Variants in UCHL1 observed in about 807,000 individuals in gnomAD.
UCHL1 encodes ubiquitin carboxyl-terminal hydrolase isozyme L1.
A neutral mutation model predicts 33.3 loss-of-function variants in UCHL1; 5 were observed. The ratio of observed to expected loss-of-function variants is 0.15; its 90% confidence interval spans 0.08 to 0.32. UCHL1 has a LOEUF of 0.32. Ranked by LOEUF, UCHL1 falls within the 10% of genes least tolerant of loss-of-function variation. The probability of loss-of-function intolerance (pLI) is 1.00; values close to 1 mark genes in which losing one functional copy is unlikely to be tolerated. For synonymous variants in UCHL1, 132 were observed against 108.8 expected, an observed-to-expected ratio of 1.21 and a Z score of -1.33; for missense variants, 236 against 280.0, an observed-to-expected ratio of 0.84 and a Z score of 1.12.
intron 8 of UCHL1, chr4:41,264,461 C>G (rs1361140748): frequency 2.1e-6 from 1 of 465,224 alleles, no homozygotes; most frequent in African/African-American, 2.0e-5. Flanking sequence ...GACCATTGTC[C>G]TCCCATCAGA....
At position 41,256,992 on chromosome 4, in the gene UCHL1, A is replaced by T. The variant is rs201864413; in HGVS notation, c.16A>T (p.Met6Leu). Residue 6 changes from methionine (M) to leucine (L), a missense_variant, in exon 1 of 9, where the codon ATG becomes TTG. Met to Leu is a conservative substitution (Grantham distance 15, BLOSUM62 2). Coordinates refer to ENST00000284440, the MANE Select transcript of UCHL1 (RefSeq NM_004181.5). MQLKP[M>L]EINPEMLNKV... is the part of the protein sequence containing the mutation. ...CTCCGCGAAGATGCAGCTCAAGCCG[A>T]TGGAGATCAACCCCGAGGTGAGCGC... 33 of 1,614,182 alleles carry T rather than the reference A, an allele frequency of 2.0e-5. No homozygotes were observed. The highest frequency in any genetic ancestry group is 3.3e-4 in the Middle Eastern group (2 of 6,048).
chr4:41,257,951 C>T (rs536372790), intron 3 of UCHL1, among the ~76,000 whole-genome samples: 2 of 152,352 alleles, frequency 1.3e-5, no homozygotes, highest in African/African-American at 4.8e-5. Context: ...CCACAATTGC[C>T]TTAAATTTGG....
In UCHL1 at chr4:41,256,965, C is replaced by A. The variant is rs766696958; in HGVS notation, c.-12C>A. On this transcript the variant is annotated 5_prime_UTR_variant, in exon 1 of 9. Coordinates refer to ENST00000284440, the MANE Select transcript of UCHL1 (RefSeq NM_004181.5). ...TCTTCCCTAGGCTATTTCTGCCGGG[C>A]GCTCCGCGAAGATGCAGCTCAAGCC... is the stretch of plus-strand genomic sequence containing the variant. 1.9e-6 allele frequency: 3 copies of A among 1,614,034 alleles called. No homozygotes were observed. The highest frequency in any genetic ancestry group is 3.3e-5 in the Admixed American group (2 of 60,016).
intron 8 of UCHL1, chr4:41,264,610 G>A: frequency 9.6e-6 from 2 of 207,962 alleles, no homozygotes; most frequent in Non-Finnish European, 9.8e-6. Context: ...CTTCCCACAT[G>A]GTCTACTGTT....
chr4:41,263,256 T>C lies in UCHL1; in HGVS notation c.491T>C (p.Leu164Pro). The part of the protein sequence containing the change: ...VDDKVNFHFI[L>P]FNNVDGHLYE... ...GACAAGGTGAATTTCCATTTTATTC[T>C]GTTTAACAACGTGGATGGCCACCTC... The change falls in exon 7 of 9, where the codon CTG (leucine) becomes CCG (proline). Residue 164 changes from leucine (L) to proline (P), a missense_variant. Physicochemically the swap from Leu to Pro is moderately conservative, Grantham distance 98. Coordinates refer to ENST00000284440, the MANE Select transcript of UCHL1 (RefSeq NM_004181.5). The C allele has an allele frequency of 6.2e-7, 1 of 1,614,194 alleles. No individual in the cohort carries two copies. The highest frequency in any genetic ancestry group is 1.1e-5 in the South Asian group (1 of 91,084).
At chr4:41,260,568 T>G (rs1351208571) in intron 3 of UCHL1, 79 bp from the exon 4 acceptor site, 3 of 1,537,358 alleles carry the variant, frequency 2.0e-6, no homozygotes, top group Non-Finnish European at 2.7e-6. Context: ...TGTTTCCATT[T>G]AGTTGGTAGA....
intron 3 of UCHL1, among the ~76,000 whole-genome samples, chr4:41,259,499 C>A (rs1781037244): frequency 6.6e-6 from 1 of 152,194 alleles, no homozygotes; most frequent in South Asian, 2.1e-4. Context: ...CGAAAAAGTT[C>A]TGCTAGTTGG....
At chr4:41,260,517 C>T in intron 3 of UCHL1, 130 bp from the exon 4 acceptor site, 1 of 1,168,054 alleles carries the variant, frequency 8.6e-7, no homozygotes, top group Non-Finnish European at 1.2e-6. Context: ...GGGAGTCAGC[C>T]AACATCTAGA....
chr4:41,258,920 G>T (rs748497636), intron 3 of UCHL1, among the ~76,000 whole-genome samples: 1 of 152,222 alleles, frequency 6.6e-6, no homozygotes, highest in Non-Finnish European at 1.5e-5. Context: ...TCAGTCTCCT[G>T]TCTCCAGTTG....
chr4:41,262,003 T>C, intron 6 of UCHL1, 80 bp downstream of exon 6: 1 of 1,566,984 alleles, frequency 6.4e-7, no homozygotes, highest in Non-Finnish European at 8.7e-7. Context: ...AATCTCTTAC[T>C]GGAACACAGC....
intron 3 of UCHL1, among the ~76,000 whole-genome samples, chr4:41,258,335 G>A (rs1222879647): frequency 6.6e-6 from 1 of 152,190 alleles, no homozygotes; most frequent in African/African-American, 2.4e-5. Context: ...TATGGTTTCT[G>A]TGTGGGAACC....
In UCHL1 at chr4:41,265,535, C is replaced by T. The variant is rs557493279; in HGVS notation, c.585+1374C>T. Among the ~76,000 whole-genome samples, 765 of 152,248 alleles carry T rather than the reference C, an allele frequency of 5.0e-3. 6 individuals are homozygous for T. The highest frequency in any genetic ancestry group is 0.017 in the African/African-American group (702 of 41,520). On this transcript the variant is annotated intron_variant, in intron 8 of 8. Transcript: ENST00000284440. ...TGGAGGTTGCAGTGAGCCGAGATTGCACCACTGTACTCCAGTCTGGGCAAC... is the reference window on the plus strand; with the variant it reads ...TGGAGGTTGCAGTGAGCCGAGATTGTACCACTGTACTCCAGTCTGGGCAAC...
chr4:41,257,808 G>T, intron 3 of UCHL1, 71 bp downstream of exon 3: 14 of 1,511,120 alleles, frequency 9.3e-6, no homozygotes, highest in Non-Finnish European at 1.2e-5. Context: ...GTCCTCGGGG[G>T]CTCCCCGCCC....
At chr4:41,266,921 G>C (rs1257228941) in intron 8 of UCHL1, among the ~76,000 whole-genome samples, 1 of 152,122 alleles carries the variant, frequency 6.6e-6, no homozygotes, top group Non-Finnish European at 1.5e-5. Context: ...TTGAGTTGGT[G>C]ATTTCTAAAT....
At position 41,257,748 on chromosome 4, in the gene UCHL1, G is replaced by A. The variant is rs1402651980; in HGVS notation, c.174+11G>A. The A allele has an allele frequency of 2.5e-6, 4 of 1,569,616 alleles. No homozygotes were observed. The highest frequency in any genetic ancestry group is 1.2e-5 in the South Asian group (1 of 86,170). On this transcript the variant is annotated intron_variant, in intron 3 of 8. Coordinates refer to ENST00000284440, the MANE Select transcript of UCHL1 (RefSeq NM_004181.5). ...CCCCTCACGGCCCAGGTAGGGCGTG[G>A]GGCCCAGGATGCGCCGGCCGCCGGC...
chr4:41,266,158 G>C (rs1403060164), intron 8 of UCHL1, among the ~76,000 whole-genome samples: 1 of 151,226 alleles, frequency 6.6e-6, no homozygotes, highest in Non-Finnish European at 1.5e-5. Flanking sequence ...TTGGGCTCAA[G>C]TGATCTTCCT....
intron 8 of UCHL1, among the ~76,000 whole-genome samples, chr4:41,265,782 T>A (rs772506480): frequency 1.3e-5 from 2 of 152,184 alleles, no homozygotes; most frequent in Admixed American, 6.5e-5. Context: ...TGAGATCAGT[T>A]AAAGCTAATT....
At chr4:41,264,035 A>G (rs1279074698) in intron 7 of UCHL1, 68 bp from the exon 8 acceptor site, 12 of 1,597,798 alleles carry the variant, frequency 7.5e-6, no homozygotes, top group Admixed American at 6.7e-5. Flanking sequence ...ACTTCCATCT[A>G]GGCTAGGTAA....
intron 6 of UCHL1, 60 bp from the exon 7 acceptor site, chr4:41,263,165 C>A: frequency 7.5e-7 from 1 of 1,334,254 alleles, no homozygotes. Flanking sequence ...ACTTGAATTG[C>A]AAGATAATTT....
Sources: allele counts gnomAD v4.1 joint callset (sites outside exome capture counted in the v4.1 genomes callset), GRCh38; gene constraint gnomAD v4.1.1; transcripts MANE v1.5; gene names NCBI Gene and HGNC (gene_info 2026-07-23, HGNC 2026-07-21).